Variants in MBNL1 observed in about 807,000 individuals in gnomAD.
MBNL1 encodes the protein muscleblind-like protein 1.
Under a neutral mutation model 42.2 loss-of-function variants are expected in MBNL1, and 8 were observed. The observed-to-expected ratio is 0.19, with a 90% CI of 0.11 to 0.34. The LOEUF is 0.34. MBNL1 is among the 10% of genes least tolerant of loss of function. The probability of loss-of-function intolerance (pLI) is 1.00; values close to 1 mark genes in which losing one functional copy is unlikely to be tolerated. For synonymous variants in MBNL1, 169 were observed against 173.9 expected, an observed-to-expected ratio of 0.97 and a Z score of 0.22; for missense variants, 309 against 495.3, an observed-to-expected ratio of 0.62 and a Z score of 3.57.
At chr3:152,370,833 CT>C (rs34497504) in intron 2 of MBNL1, among the ~76,000 whole-genome samples, 10,848 of 145,128 alleles carry the variant, frequency 0.075, 490 homozygotes, top group Middle Eastern at 0.16. Flanking sequence ...GCAACCCCTG[CT>C]TTTTTTTTTT....
At chr3:152,251,878 T>A (rs1211820408) in intron 2 of MBNL1, among the ~76,000 whole-genome samples, 1 of 152,094 alleles carries the variant, frequency 6.6e-6, no homozygotes, top group Non-Finnish European at 1.5e-5. Context: ...TCTTGTCAAA[T>A]GCAATCTTTA....
chr3:152,389,101 T>C (rs1026024701), intron 2 of MBNL1, among the ~76,000 whole-genome samples: 2 of 152,172 alleles, frequency 1.3e-5, no homozygotes, highest in East Asian at 3.8e-4. Flanking sequence ...ATCTCTTTTT[T>C]TTTTGAGATG....
chr3:152,443,574 A>G (rs2153830572), intron 4 of MBNL1, among the ~76,000 whole-genome samples: 1 of 151,958 alleles, frequency 6.6e-6, no homozygotes, highest in East Asian at 1.9e-4. Flanking sequence ...CCTCACATAC[A>G]ATAAATTTTG....
At chr3:152,333,994 T>G (rs1049054869) in intron 2 of MBNL1, among the ~76,000 whole-genome samples, 1 of 152,210 alleles carries the variant, frequency 6.6e-6, no homozygotes, top group Non-Finnish European at 1.5e-5. Context: ...AGTACTAATA[T>G]CTAATCCTTA....
intron 6 of MBNL1, among the ~76,000 whole-genome samples, chr3:152,450,363 G>A (rs1338522080): frequency 9.9e-5 from 15 of 151,856 alleles, no homozygotes; most frequent in Admixed American, 9.8e-4. Context: ...AAAAATTGAC[G>A]CTGTGGCATG....
At chr3:152,439,312 A>C (rs888523186) in intron 4 of MBNL1, among the ~76,000 whole-genome samples, 24 of 152,220 alleles carry the variant, frequency 1.6e-4, no homozygotes, top group Non-Finnish European at 3.2e-4. Context: ...AGTGAAAAGC[A>C]TGCCTATGTT....
chr3:152,376,250 T>C (rs1275951993), intron 2 of MBNL1, among the ~76,000 whole-genome samples: 1 of 152,220 alleles, frequency 6.6e-6, no homozygotes, highest in Non-Finnish European at 1.5e-5. Context: ...TGTAAGATTT[T>C]TTTCTTGAGA....
At chr3:152,305,490 T>A (rs1183607740) in intron 2 of MBNL1, among the ~76,000 whole-genome samples, 1 of 142,844 alleles carries the variant, frequency 7.0e-6, no homozygotes, top group Non-Finnish European at 1.5e-5. Flanking sequence ...AAATTTGAAT[T>A]TTTTTTTTTT....
At chr3:152,456,122 G>A in intron 7 of MBNL1, 145 bp from the exon 8 acceptor site, 2 of 643,286 alleles carry the variant, frequency 3.1e-6, no homozygotes, top group Middle Eastern at 2.6e-4. Flanking sequence ...CGCTGTGATT[G>A]CATGTCACTC....
At chr3:152,416,115 C>G (rs1323283214) in intron 3 of MBNL1, among the ~76,000 whole-genome samples, 3 of 151,852 alleles carry the variant, frequency 2.0e-5, no homozygotes, top group Non-Finnish European at 2.9e-5. Flanking sequence ...TGTTTTTTTT[C>G]CGAATACATT....
chr3:152,455,606 C>G (rs1302309280), intron 7 of MBNL1, 29 bp downstream of exon 7: 1 of 1,608,006 alleles, frequency 6.2e-7, no homozygotes, highest in African/African-American at 1.3e-5. Context: ...TCTTGATTAT[C>G]TTAAACCTAT....
chr3:152,274,369 A>G (rs1446855981), intron 1 of MBNL1, among the ~76,000 whole-genome samples: 1 of 152,158 alleles, frequency 6.6e-6, no homozygotes, highest in African/African-American at 2.4e-5. Context: ...ATCAAGATAG[A>G]TATACGTTGT....
At chr3:152,293,596 G>A (rs115539560) in intron 1 of MBNL1, among the ~76,000 whole-genome samples, 1 of 152,154 alleles carries the variant, frequency 6.6e-6, no homozygotes, top group Non-Finnish European at 1.5e-5. Context: ...GGTGAAGTTA[G>A]CCATCTCTTT....
chr3:152,269,393 C>G (rs2038821736), intron 1 of MBNL1: 1 of 368,026 alleles, frequency 2.7e-6, no homozygotes, highest in Non-Finnish European at 5.4e-6. Context: ...AACAGGGGGG[C>G]GAGAAGAGAA....
At chr3:152,338,157 T>A in intron 2 of MBNL1, 3 of 985,434 alleles carry the variant, frequency 3.0e-6, no homozygotes, top group Non-Finnish European at 3.6e-6. Flanking sequence ...GTTTTTGGCT[T>A]ATGTATGGGA....
chr3:152,268,183 ATC>A (rs1174087496), upstream of MBNL1: 1 of 152,532 alleles, frequency 6.6e-6, no homozygotes, highest in Non-Finnish European at 1.5e-5. Flanking sequence ...CTTTCTCTAA[ATC>A]ACATGGTGCA....
chr3:152,278,945 T>A (rs2046864450), intron 1 of MBNL1, among the ~76,000 whole-genome samples: 1 of 152,028 alleles, frequency 6.6e-6, no homozygotes, highest in African/African-American at 2.4e-5. Flanking sequence ...TACAAGTTAG[T>A]ACCAAAGGAG....
chr3:152,330,677 A>G (rs1300587691), intron 2 of MBNL1, among the ~76,000 whole-genome samples: 3 of 152,204 alleles, frequency 2.0e-5, no homozygotes, highest in Non-Finnish European at 4.4e-5. Context: ...CCCATGGTAC[A>G]ACACGATAAG....
chr3:152,421,868 C>A (rs2098810530), intron 3 of MBNL1, among the ~76,000 whole-genome samples: 1 of 151,906 alleles, frequency 6.6e-6, no homozygotes, highest in Non-Finnish European at 1.5e-5. Flanking sequence ...TCTTTACAGA[C>A]AAGTAAATGC....
Sources: gnomAD v4.1 joint callset for allele counts (sites outside exome capture counted in the v4.1 genomes callset) on GRCh38, gnomAD v4.1.1 for gene constraint, MANE v1.5 for transcripts, NCBI Gene and HGNC (gene_info 2026-07-23, HGNC 2026-07-21) for gene names.